Variants in IKZF2 observed in about 807,000 individuals in gnomAD.
IKZF2 encodes the protein zinc finger protein Helios.
Under a neutral mutation model 49.2 loss-of-function variants are expected in IKZF2, and 15 were observed. That is an observed-to-expected ratio of 0.30 (90% confidence interval 0.20 to 0.47). The LOEUF (loss-of-function observed/expected upper bound fraction) is 0.47. Among genes scored for constraint, IKZF2 ranks in the 20% least tolerant of loss-of-function variants. IKZF2 has a pLI of 1.00. For synonymous variants in IKZF2, 227 were observed against 221.4 expected (o/e 1.03, Z -0.23); for missense variants, 567 against 664.6 (o/e 0.85, Z 1.61).
intron 4 of IKZF2, among the ~76,000 whole-genome samples, chr2:213,142,510 T>C (rs1397193618): frequency 1.3e-5 from 2 of 151,916 alleles, no homozygotes; most frequent in Non-Finnish European, 2.9e-5. Flanking sequence ...ATTTATTGAG[T>C]CTTAGCATGT....
intron 4 of IKZF2, among the ~76,000 whole-genome samples, chr2:213,090,938 G>A (rs1206014287): frequency 3.3e-5 from 5 of 152,148 alleles, no homozygotes; most frequent in Non-Finnish European, 7.4e-5. Context: ...CCCAGTCTGT[G>A]GTAGTTCGTT....
intron 4 of IKZF2, among the ~76,000 whole-genome samples, chr2:213,064,429 T>G (rs1333655968): frequency 1.3e-5 from 2 of 151,890 alleles, no homozygotes; most frequent in African/African-American, 2.4e-5. Flanking sequence ...GGAAAAAAAA[T>G]GTAAACGAAT....
At chr2:213,124,248 GCGCGCACACACACACACACACACACA>G (rs1193610163) in intron 4 of IKZF2, among the ~76,000 whole-genome samples, 5 of 115,494 alleles carry the variant, frequency 4.3e-5, no homozygotes, top group Non-Finnish European at 7.0e-5. Context: ...GCTCGCGCGC[GCGCGCACACACACACACACACACACA>G]CACACACACA....
At chr2:213,079,770 C>G (rs549616569) in intron 4 of IKZF2, among the ~76,000 whole-genome samples, 2 of 152,250 alleles carry the variant, frequency 1.3e-5, no homozygotes, top group Admixed American at 6.5e-5. Flanking sequence ...CAGCAACTTC[C>G]ATTTTTCCCA....
At chr2:213,132,038 T>C (rs1213448333) in intron 4 of IKZF2, among the ~76,000 whole-genome samples, 1 of 152,204 alleles carries the variant, frequency 6.6e-6, no homozygotes, top group Non-Finnish European at 1.5e-5. Flanking sequence ...TTAGGCCCTG[T>C]GATAAAAGCT....
intron 4 of IKZF2, among the ~76,000 whole-genome samples, chr2:213,093,704 A>G (rs1375284044): frequency 6.6e-6 from 1 of 152,164 alleles, no homozygotes; most frequent in African/African-American, 2.4e-5. Context: ...AGCCTCAAGA[A>G]ATATTTTATT....
chr2:213,055,111 T>C (rs985387158), intron 5 of IKZF2, among the ~76,000 whole-genome samples: 4 of 152,066 alleles, frequency 2.6e-5, no homozygotes, highest in South Asian at 4.1e-4. Flanking sequence ...AAATTTAACA[T>C]TGCATGCAAT....
At chr2:213,111,702 TCA>T (rs986815835) in intron 4 of IKZF2, among the ~76,000 whole-genome samples, 3 of 152,118 alleles carry the variant, frequency 2.0e-5, no homozygotes, top group African/African-American at 4.8e-5. Context: ...GCTTTTGGAC[TCA>T]CATACATACA....
At chr2:213,132,211 C>A (rs2060496440) in intron 4 of IKZF2, among the ~76,000 whole-genome samples, 1 of 151,402 alleles carries the variant, frequency 6.6e-6, no homozygotes, top group Non-Finnish European at 1.5e-5. Flanking sequence ...GCAGAGATTA[C>A]AAAGTCATTT....
chr2:213,050,830 C>A (rs575737022), intron 5 of IKZF2, among the ~76,000 whole-genome samples: 1 of 151,944 alleles, frequency 6.6e-6, no homozygotes, highest in Non-Finnish European at 1.5e-5. Context: ...CTTATCAAAC[C>A]ATAAAGAAAA....
intron 7 of IKZF2, 165 bp downstream of exon 7, chr2:213,021,828 G>C: frequency 4.3e-6 from 3 of 698,962 alleles, no homozygotes; most frequent in Non-Finnish European, 7.1e-6. Flanking sequence ...TAATTTGGGA[G>C]TATTGCAAAA....
chr2:213,038,094 T>G (rs1905170), intron 6 of IKZF2, among the ~76,000 whole-genome samples: 35,205 of 151,724 alleles, frequency 0.23, 4,545 homozygotes, highest in Non-Finnish European at 0.28. Context: ...AGAGTCTCAC[T>G]CTGTCACCCA....
At chr2:213,119,260 TA>T (rs1317417936) in intron 4 of IKZF2, among the ~76,000 whole-genome samples, 1 of 152,148 alleles carries the variant, frequency 6.6e-6, no homozygotes, top group Non-Finnish European at 1.5e-5. Flanking sequence ...AAACAATTCA[TA>T]GGTAATTCTC....
rs537273996 is a variant in IKZF2 at position 213,101,745 on chromosome 2, A to G, written c.140-44646T>C. Among the ~76,000 whole-genome samples the G allele has an allele frequency of 2.0e-4, 30 of 152,306 alleles. 1 individual carries two copies. The South Asian group carries it at 6.0e-3, about 30-fold the overall frequency. On this transcript the variant is annotated intron_variant, in intron 4 of 8. Transcript: ENST00000434687. The stretch of plus-strand genomic sequence containing the variant: ...TTAATCAGTCTCTGTATTCCATCAT[A>G]CATGAAATATAGTACAGCTTGTTCC...
intron 8 of IKZF2, 58 bp downstream of exon 8, chr2:213,013,733 C>T: frequency 4.0e-6 from 6 of 1,486,192 alleles, no homozygotes; most frequent in Non-Finnish European, 3.7e-6. Flanking sequence ...TACATGGGAA[C>T]TTGCCTTTTC....
intron 4 of IKZF2, among the ~76,000 whole-genome samples, chr2:213,081,858 C>T (rs1703988369): frequency 1.3e-5 from 2 of 152,156 alleles, no homozygotes; most frequent in African/African-American, 4.8e-5. Context: ...AGCTACTACA[C>T]CCCTCCTAAT....
intron 4 of IKZF2, among the ~76,000 whole-genome samples, chr2:213,072,471 T>C (rs1044341720): frequency 1.3e-5 from 2 of 152,054 alleles, no homozygotes; most frequent in Admixed American, 6.6e-5. Flanking sequence ...AATCTGCAGA[T>C]TTTATTATCA....
chr2:213,121,724 T>C (rs1162668725), intron 4 of IKZF2, among the ~76,000 whole-genome samples: 1 of 152,166 alleles, frequency 6.6e-6, no homozygotes. Context: ...ACAGCATTGG[T>C]TTAAAATGGC....
At chr2:213,071,084 A>C (rs144377428) in intron 4 of IKZF2, among the ~76,000 whole-genome samples, 5 of 152,260 alleles carry the variant, frequency 3.3e-5, no homozygotes, top group African/African-American at 1.2e-4. Flanking sequence ...GGACCACATC[A>C]CAATGTTGAA....
Sources: gnomAD v4.1 joint callset for allele counts (sites outside exome capture counted in the v4.1 genomes callset) on GRCh38, gnomAD v4.1.1 for gene constraint, MANE v1.5 for transcripts, NCBI Gene and HGNC (gene_info 2026-07-23, HGNC 2026-07-21) for gene names.